The following CWF19L2 variants were observed in gnomAD, a reference collection of about 807,000 sequenced individuals.
The protein encoded by CWF19L2 is CWF19-like protein 2.
Under a neutral mutation model 111.7 loss-of-function variants are expected in CWF19L2, and 98 were observed. That is an observed-to-expected ratio of 0.88 (90% confidence interval 0.75 to 1.04). The LOEUF is 1.04. Among genes scored for constraint, CWF19L2 ranks in the 50% least tolerant of loss-of-function variants. The pLI is 0.00. For synonymous variants in CWF19L2, 351 were observed against 342.9 expected (o/e 1.02, Z -0.26); for missense variants, 1,101 against 1,051.4 (o/e 1.05, Z -0.65).
At chr11:107,397,605 G>A (rs1244663352) in intron 10 of CWF19L2, among the ~76,000 whole-genome samples, 2 of 151,772 alleles carry the variant, frequency 1.3e-5, no homozygotes, top group Non-Finnish European at 2.9e-5. Flanking sequence ...GAAGACAAAG[G>A]GCATACAACC....
At chr11:107,406,221 A>G (rs1591186734) in intron 10 of CWF19L2, among the ~76,000 whole-genome samples, 1 of 152,314 alleles carries the variant, frequency 6.6e-6, no homozygotes, top group Non-Finnish European at 1.5e-5. Flanking sequence ...AAACTCTCCT[A>G]CTAAATCAGA....
chr11:107,365,048 C>A lies in CWF19L2; in HGVS notation c.1873-11312G>T, dbSNP rs1194513537. 2.5e-5 allele frequency among the ~76,000 whole-genome samples: 3 copies of A among 118,302 alleles called. No homozygotes were observed. The Admixed American group carries it at 2.6e-4, about 10-fold the overall frequency. The allele number at this position is 118,302 out of a possible 152,430, so 77.6% of individuals were successfully genotyped here. Reference sequence around the variant, plus strand: ...CCATCAGAGAATACTACAAACACCTCTATGCAAATAAACTAGAAAATCTAG... The same window carrying A: ...CCATCAGAGAATACTACAAACACCTATATGCAAATAAACTAGAAAATCTAG... On this transcript the variant is annotated intron_variant, in intron 12 of 17. Coordinates refer to ENST00000282251, the MANE Select transcript of CWF19L2 (RefSeq NM_152434.3).
At chr11:107,441,717 G>A in intron 4 of CWF19L2, 95 bp from the exon 5 acceptor site, 1 of 1,256,880 alleles carries the variant, frequency 8.0e-7, no homozygotes, top group Non-Finnish European at 1.0e-6. Flanking sequence ...ATAAGAGCAG[G>A]GACTTTGGAG....
chr11:107,406,812 T>C (rs1346548107), intron 10 of CWF19L2, among the ~76,000 whole-genome samples: 1 of 151,680 alleles, frequency 6.6e-6, no homozygotes, highest in East Asian at 1.9e-4. Context: ...GTTTTTAATC[T>C]ATCCTTTGTA....
intron 12 of CWF19L2, among the ~76,000 whole-genome samples, chr11:107,361,908 G>A (rs1217514248): frequency 6.6e-6 from 1 of 152,162 alleles, no homozygotes; most frequent in Non-Finnish European, 1.5e-5. Flanking sequence ...TTCCATCTGA[G>A]GTACCGGGTT....
intron 3 of CWF19L2, among the ~76,000 whole-genome samples, chr11:107,448,489 GGA>G (rs940613303): frequency 6.6e-6 from 1 of 151,574 alleles, no homozygotes; most frequent in Admixed American, 6.6e-5. Context: ...ATTATTTTAA[GGA>G]GACTACCAAA....
chr11:107,403,920 T>C, intron 10 of CWF19L2: 11 of 847,588 alleles, frequency 1.3e-5, no homozygotes, highest in South Asian at 1.2e-4. Context: ...TGAGGAACCA[T>C]TAAGGACTGG....
chr11:107,418,153 A>G, intron 9 of CWF19L2, 41 bp downstream of exon 9: 2 of 1,228,832 alleles, frequency 1.6e-6, no homozygotes, highest in South Asian at 2.4e-5. Context: ...GAAGTTAAAC[A>G]TTTAATCATT....
intron 8 of CWF19L2, 55 bp downstream of exon 8, chr11:107,428,744 C>A: frequency 7.4e-7 from 1 of 1,342,622 alleles, no homozygotes; most frequent in Non-Finnish European, 1.0e-6. Context: ...AAATACAGTT[C>A]TGTTCTTTGA....
chr11:107,441,865 T>C (rs1195080711), intron 4 of CWF19L2, among the ~76,000 whole-genome samples: 1 of 152,180 alleles, frequency 6.6e-6, no homozygotes, highest in Non-Finnish European at 1.5e-5. Flanking sequence ...GTAAACAAGA[T>C]AACAGATCTA....
At chr11:107,378,025 A>ATT (rs1860620061) in intron 12 of CWF19L2, among the ~76,000 whole-genome samples, 1 of 151,868 alleles carries the variant, frequency 6.6e-6, no homozygotes, top group South Asian at 2.1e-4. Context: ...AATGCTCACC[A>ATT]TCACTGGCCA....
intron 12 of CWF19L2, among the ~76,000 whole-genome samples, chr11:107,358,792 T>G (rs548250317): frequency 6.6e-6 from 1 of 152,290 alleles, no homozygotes; most frequent in African/African-American, 2.4e-5. Flanking sequence ...CTGTGAGTCT[T>G]TCCAGTAAAA....
chr11:107,361,171 G>C (rs534536631), intron 12 of CWF19L2, among the ~76,000 whole-genome samples: 2 of 152,120 alleles, frequency 1.3e-5, no homozygotes, highest in Admixed American at 6.5e-5. Flanking sequence ...CTTCTGCATA[G>C]GGCAAACCAA....
intron 12 of CWF19L2, among the ~76,000 whole-genome samples, chr11:107,387,192 C>A (rs1860780245): frequency 6.6e-6 from 1 of 152,044 alleles, no homozygotes; most frequent in African/African-American, 2.4e-5. Context: ...TCTTGATTTC[C>A]CACTCCCCCA....
intron 6 of CWF19L2, among the ~76,000 whole-genome samples, chr11:107,436,570 T>A (rs1201945789): frequency 6.6e-6 from 1 of 152,208 alleles, no homozygotes; most frequent in African/African-American, 2.4e-5. Context: ...TGCTCCTTCA[T>A]CTCTAAGATA....
At position 107,400,626 on chromosome 11, in the gene CWF19L2, T is replaced by C. The variant is rs559815; in HGVS notation, c.1618-7731A>G. Among the ~76,000 whole-genome samples the C allele has an allele frequency of 5.4e-3, 816 of 152,316 alleles. 7 individuals are homozygous for C. Among genetic ancestry groups the C allele is most frequent in the African/African-American group, 0.018 (767 of 41,572 alleles). Reference sequence around the variant, plus strand: ...ACCAGAAGGATTCACAGATGAATTCTACCAGACATTCAAAGAAGAATTGGT... The same window carrying C: ...ACCAGAAGGATTCACAGATGAATTCCACCAGACATTCAAAGAAGAATTGGT... On this transcript the variant is annotated intron_variant, in intron 10 of 17. Transcript: ENST00000282251.
intron 8 of CWF19L2, among the ~76,000 whole-genome samples, chr11:107,428,456 T>G (rs552948522): frequency 6.6e-6 from 1 of 152,126 alleles, no homozygotes; most frequent in East Asian, 1.9e-4. Context: ...AATAAGATAA[T>G]TTCCTTAGAA....
intron 3 of CWF19L2, among the ~76,000 whole-genome samples, chr11:107,444,699 T>A (rs1005521242): frequency 1.3e-5 from 2 of 152,334 alleles, no homozygotes; most frequent in Non-Finnish European, 2.9e-5. Flanking sequence ...GAACAGAAGA[T>A]AAAGCTATCC....
intron 5 of CWF19L2, 136 bp downstream of exon 5, chr11:107,441,367 A>C (rs1861616217): frequency 1.5e-6 from 1 of 663,036 alleles, no homozygotes; most frequent in Non-Finnish European, 2.2e-6. Context: ...TGTATTTCAT[A>C]GTTGTTCTCA....
Sources: allele counts gnomAD v4.1 joint callset (sites outside exome capture counted in the v4.1 genomes callset), GRCh38; gene constraint gnomAD v4.1.1; transcripts MANE v1.5; gene names NCBI Gene and HGNC (gene_info 2026-07-23, HGNC 2026-07-21).